Variants in TEX15 observed in about 807,000 individuals in gnomAD.
TEX15 encodes the protein testis-expressed protein 15.
Under a neutral mutation model 237.3 loss-of-function variants are expected in TEX15, and 171 were observed. The ratio of observed to expected loss-of-function variants is 0.72; its 90% CI spans 0.64 to 0.82. The LOEUF is 0.82. Ranked by LOEUF, TEX15 falls within the 40% of genes least tolerant of loss-of-function variation. The probability of loss-of-function intolerance (pLI) is 0.00; values close to 1 mark genes in which losing one functional copy is unlikely to be tolerated. For synonymous variants in TEX15, 1,338 were observed against 1,269.8 expected (o/e 1.05, Z -1.14); for missense variants, 3,750 against 3,646.5 (o/e 1.03, Z -0.73).
intron 7 of TEX15, among the ~76,000 whole-genome samples, chr8:30,849,762 G>A (rs974417804): frequency 6.6e-6 from 1 of 151,896 alleles, no homozygotes; most frequent in African/African-American, 2.4e-5. Flanking sequence ...AGCCAGGTGT[G>A]GTGGTGGGCA....
In TEX15 at chr8:30,844,749, C is replaced by G. The variant is rs1807553709; in HGVS notation, c.5418G>C (p.Gly1806=). Residue 1806 remains glycine, a synonymous_variant, in exon 8 of 11, where the codon GGG becomes GGC. Transcript: ENST00000643185. ...ASGTEEDKSY[G]ENIVELSSSD... The stretch of plus-strand genomic sequence containing the variant: ...TGGAAGATAATTCCACTATATTTTC[C>G]CCATAACTTTTATCTTCTTCAGTTC... 1 of 1,613,186 alleles carries G rather than the reference C, an allele frequency of 6.2e-7. No homozygotes were observed. Among genetic ancestry groups the G allele is most frequent in the South Asian group, 1.1e-5 (1 of 91,032 alleles).
chr8:30,836,645 CCT>C (rs1807307359), intron 10 of TEX15, among the ~76,000 whole-genome samples, 156 bp downstream of exon 10: 1 of 152,032 alleles, frequency 6.6e-6, no homozygotes, highest in African/African-American at 2.4e-5. Context: ...AGATTTCCAC[CCT>C]CTCTGCCCAA....
In TEX15 at chr8:30,844,086, G is replaced by C. The variant is rs758006635; in HGVS notation, c.6081C>G (p.Leu2027=). 1.9e-6 allele frequency: 3 copies of C among 1,612,772 alleles called. No homozygotes were observed. The highest frequency in any genetic ancestry group is 1.3e-5 in the African/African-American group (1 of 74,988). ...TTTCAAAAGCTTCCACAAATAAAGG[G>C]AGAATATTTAGACAAACCTTAGTTT... ...QEETKVCLNI[L]PLFVEAFERK... The change falls in exon 8 of 11, where the codon CTC becomes CTG. Residue 2027 remains leucine, a synonymous_variant. Coordinates refer to ENST00000643185, the MANE Select transcript of TEX15 (RefSeq NM_001350162.2).
intron 3 of TEX15, among the ~76,000 whole-genome samples, chr8:30,875,589 T>C (rs1808383248): frequency 1.3e-5 from 2 of 152,238 alleles, no homozygotes; most frequent in Admixed American, 1.3e-4. Context: ...CTTAGGACAG[T>C]GAGCATCTCC....
intron 10 of TEX15, among the ~76,000 whole-genome samples, chr8:30,836,045 A>G (rs933555608): frequency 1.3e-5 from 2 of 152,132 alleles, no homozygotes; most frequent in East Asian, 1.9e-4. Context: ...TACACACCCT[A>G]AAGTTTTTAC....
Position 30,844,530 on chromosome 8 carries a change from G to C in TEX15, c.5637C>G (p.Ile1879Met), listed in dbSNP as rs1401701830. 3 of 1,612,568 alleles carry C rather than the reference G, an allele frequency of 1.9e-6. No individual in the cohort carries two copies. The highest frequency in any genetic ancestry group is 2.5e-6 in the Non-Finnish European group (3 of 1,179,448). Reference protein sequence around the residue: ...NTEYKNQKNQISEESCLNEKI... With the variant: ...NTEYKNQKNQMSEESCLNEKI... ...TCTCATTTAAGCAGGATTCTTCTGA[G>C]ATCTGATTCTTTTGATTTTTGTACT... Residue 1879 changes from isoleucine (I) to methionine (M), a missense_variant, in exon 8 of 11, where the codon ATC becomes ATG. Physicochemically the swap from Ile to Met is conservative, Grantham distance 10. Coordinates refer to ENST00000643185, the MANE Select transcript of TEX15 (RefSeq NM_001350162.2).
At chr8:30,903,885 T>TGC (rs760518313) in intron 1 of TEX15, among the ~76,000 whole-genome samples, 4 of 152,150 alleles carry the variant, frequency 2.6e-5, no homozygotes, top group Non-Finnish European at 4.4e-5. Context: ...AAGATGACTG[T>TGC]GCTAATAGGT....
chr8:30,911,891 G>A (rs952197556), intron 1 of TEX15, among the ~76,000 whole-genome samples: 2 of 152,158 alleles, frequency 1.3e-5, no homozygotes, highest in Non-Finnish European at 2.9e-5. Context: ...CGAAACTGAG[G>A]CAGGAGTCTC....
chr8:30,897,095 A>T (rs778284368), intron 2 of TEX15, among the ~76,000 whole-genome samples: 18 of 152,144 alleles, frequency 1.2e-4, no homozygotes, highest in Non-Finnish European at 2.1e-4. Context: ...GTTGAAAAAA[A>T]TTTTTTTGAA....
chr8:30,888,732 A>G, intron 2 of TEX15: 1 of 1,069,736 alleles, frequency 9.3e-7, no homozygotes, highest in Non-Finnish European at 1.3e-6. Context: ...AAAATTCTAC[A>G]GAAAGATCAC....
intron 5 of TEX15, among the ~76,000 whole-genome samples, chr8:30,864,351 T>C (rs894861246): frequency 6.9e-6 from 1 of 145,884 alleles, no homozygotes; most frequent in Non-Finnish European, 1.5e-5. Flanking sequence ...TAAGAACATA[T>C]ATGCTGTGGG....
chr8:30,876,182 A>C (rs1808397667), intron 3 of TEX15, among the ~76,000 whole-genome samples: 1 of 152,150 alleles, frequency 6.6e-6, no homozygotes, highest in Non-Finnish European at 1.5e-5. Context: ...CATCTTTATA[A>C]AACAAACCAA....
Position 30,845,647 on chromosome 8 carries a change from C to T in TEX15, c.4520G>A (p.Gly1507Glu), listed in dbSNP as rs377401358. ...SKSHPTTSHM[G>E]EFCNQEHPES... ...AGGATGTTCTTGATTACAAAATTCT[C>T]CCATGTGACTGGTGGTGGGGTGACT... is the stretch of plus-strand genomic sequence containing the variant. Residue 1507 changes from glycine (G) to glutamate (E), a missense_variant, in exon 8 of 11, where the codon GGA becomes GAA. Physicochemically the swap from Gly to Glu is moderately conservative, Grantham distance 98. Transcript: ENST00000643185. 2.9e-5 allele frequency: 46 copies of T among 1,613,430 alleles called. No homozygotes were observed. Among genetic ancestry groups the T allele is most frequent in the Middle Eastern group, 3.3e-4 (2 of 6,084 alleles).
intron 4 of TEX15, among the ~76,000 whole-genome samples, chr8:30,872,768 GA>G (rs1343076490): frequency 6.6e-6 from 1 of 151,890 alleles, no homozygotes; most frequent in Non-Finnish European, 1.5e-5. Flanking sequence ...ACAAAAAACA[GA>G]AAAAAGTGTA....
At chr8:30,849,963 A>G (rs142592703) in intron 7 of TEX15, among the ~76,000 whole-genome samples, 257 of 152,230 alleles carry the variant, frequency 1.7e-3, no homozygotes, top group African/African-American at 5.8e-3. Context: ...TTCCCAATAG[A>G]TAACAGCTCT....
At chr8:30,909,604 T>G (rs1809178073) in intron 1 of TEX15, among the ~76,000 whole-genome samples, 1 of 152,226 alleles carries the variant, frequency 6.6e-6, no homozygotes, top group Non-Finnish European at 1.5e-5. Flanking sequence ...GAACTTTGCT[T>G]AGTTTGTCAT....
chr8:30,848,448 T>G lies in TEX15; in HGVS notation c.1719A>C (p.Thr573=). ...GAAAAATGTGACTACTGTACTCTTT[T>G]GTATAAGCATTACCGGACTCCTGTT... ...RAQQESGNAY[T]KEYSSHIFQD... is the part of the protein sequence containing the mutation. Residue 573 remains threonine, a synonymous_variant, in exon 8 of 11, where the codon ACA becomes ACC. Transcript: ENST00000643185. 1.9e-6 allele frequency: 3 copies of G among 1,614,162 alleles called. No homozygotes were observed. The South Asian group carries it at 3.3e-5, about 18-fold the overall frequency.
Position 30,846,820 on chromosome 8 carries a change from A to G in TEX15, c.3347T>C (p.Leu1116Ser). Residue 1116 changes from leucine to serine, a missense_variant, in exon 8 of 11, where the codon TTG becomes TCG. Leu to Ser is a moderately radical substitution (Grantham distance 145). Transcript: ENST00000643185. ...LALDNGEMEV[L>S]ESTTGRENSD... ...ATTCTCCCTTCCTGTGGTGCTTTCC[A>G]AAACTTCCATCTCCCCGTTATCAAG... 1.9e-6 allele frequency: 3 copies of G among 1,613,938 alleles called. No homozygotes were observed. Among genetic ancestry groups the G allele is most frequent in the Non-Finnish European group, 2.5e-6 (3 of 1,179,826 alleles).
rs755404130 is a variant in TEX15, at chr8:30,846,293, T to C, written c.3874A>G (p.Lys1292Glu). 6.2e-7 allele frequency: 1 copy of C among 1,613,282 alleles called. No individual in the cohort carries two copies. Among genetic ancestry groups the C allele is most frequent in the Non-Finnish European group, 8.5e-7 (1 of 1,179,672 alleles). ...CTAATTCTTGATTCTACCTCCTTTT[T>C]ATTTTTGGTATCATTATAGTCAGTT... ...SKTDYNDTKN[K>E]KEVESRISKR... The change falls in exon 8 of 11, where the codon AAA becomes GAA. Residue 1292 changes from lysine (K) to glutamate (E), a missense_variant. By Grantham distance (56) the Lys-to-Glu change is moderately conservative. Coordinates refer to ENST00000643185, the MANE Select transcript of TEX15 (RefSeq NM_001350162.2).
Sources: allele counts gnomAD v4.1 joint callset (sites outside exome capture counted in the v4.1 genomes callset), GRCh38; gene constraint gnomAD v4.1.1; transcripts MANE v1.5; gene names NCBI Gene and HGNC (gene_info 2026-07-23, HGNC 2026-07-21).